C11orf65: variants seen among roughly 807,000 people sequenced by gnomAD.
C11orf65 encodes the protein chromosome 11 open reading frame 65.
A neutral mutation model predicts 35.3 loss-of-function variants in C11orf65; 38 were observed. That is an observed-to-expected ratio of 1.08 (90% CI 0.83 to 1.41). C11orf65 has a LOEUF of 1.41. Among genes scored for constraint, C11orf65 ranks in the 40% most tolerant of loss-of-function variants. The pLI is 0.00. For missense variants in C11orf65, 370 were observed against 367.1 expected, an observed-to-expected ratio of 1.01 and a Z score of -0.06; for synonymous variants, 105 against 114.4, an observed-to-expected ratio of 0.92 and a Z score of 0.53.
intron 3 of C11orf65, among the ~76,000 whole-genome samples, chr11:108,423,850 G>C (rs991825094): frequency 4.6e-5 from 7 of 152,088 alleles, no homozygotes; most frequent in Admixed American, 6.6e-5. Context: ...AAACAGAAAG[G>C]AATAGCATCA....
chr11:108,317,383 A>G (rs2136162962), intron 6 of C11orf65: 1 of 1,611,592 alleles, frequency 6.2e-7, no homozygotes, highest in Non-Finnish European at 8.5e-7. Flanking sequence ...GCCTTGCAGA[A>G]TTTGGGACTC....
intron 6 of C11orf65, chr11:108,315,792 T>A (rs774489456): frequency 6.4e-7 from 1 of 1,562,852 alleles, no homozygotes; most frequent in Non-Finnish European, 8.8e-7. Flanking sequence ...TTTTTTTCCT[T>A]CTTCAATTTT....
chr11:108,320,426 G>A (rs1432121919), intron 6 of C11orf65, among the ~76,000 whole-genome samples: 1 of 152,174 alleles, frequency 6.6e-6, no homozygotes, highest in Non-Finnish European at 1.5e-5. Flanking sequence ...AGGCACAAAT[G>A]TGATGAGGCA....
intron 3 of C11orf65, chr11:108,334,052 G>T (rs2086574006): frequency 1.9e-5 from 21 of 1,081,734 alleles, no homozygotes; most frequent in Non-Finnish European, 2.9e-5. Context: ...TTTTATGTAG[G>T]TCAAAATTGG....
At chr11:108,346,546 CTATA>C (rs1247212246) in intron 2 of C11orf65, 3 of 151,550 alleles carry the variant, frequency 2.0e-5, no homozygotes, top group African/African-American at 7.3e-5. Context: ...CACTTACATA[CTATA>C]CCCCAGGAAG....
At chr11:108,385,537 C>A (rs149428871) in intron 8 of C11orf65, among the ~76,000 whole-genome samples, 1 of 151,992 alleles carries the variant, frequency 6.6e-6, no homozygotes, top group Non-Finnish European at 1.5e-5. Context: ...AAAAAATTAG[C>A]GGGGTGTGGT....
downstream of C11orf65, among the ~76,000 whole-genome samples, chr11:108,379,738 C>T (rs1466692021): frequency 1.3e-5 from 2 of 151,944 alleles, no homozygotes; most frequent in Non-Finnish European, 2.9e-5. Context: ...GGACAAATAA[C>T]ATTAGACTGT....
intron 3 of C11orf65, among the ~76,000 whole-genome samples, chr11:108,414,782 A>G (rs534337552): frequency 1.5e-3 from 223 of 152,218 alleles, no homozygotes; most frequent in African/African-American, 5.4e-3. Context: ...TTATAGACCA[A>G]TATCTCTCAT....
chr11:108,388,218 G>GC (rs1322595457), intron 7 of C11orf65, among the ~76,000 whole-genome samples: 1 of 152,058 alleles, frequency 6.6e-6, no homozygotes, highest in African/African-American at 2.4e-5. Flanking sequence ...CCATAGCTAG[G>GC]CCCCATCACT....
chr11:108,342,308 CTG>C (rs1244541883), intron 2 of C11orf65, among the ~76,000 whole-genome samples: 2 of 152,096 alleles, frequency 1.3e-5, no homozygotes, highest in Non-Finnish European at 2.9e-5. Flanking sequence ...GATTGGATAA[CTG>C]TTGTATTTAT....
chr11:108,355,044 T>C (rs1240546731), intron 2 of C11orf65: 3 of 628,772 alleles, frequency 4.8e-6, no homozygotes, highest in African/African-American at 1.8e-5. Flanking sequence ...CATCCAAAAA[T>C]ACTGGTTTAG....
At chr11:108,320,933 A>G (rs557197598) in intron 6 of C11orf65, among the ~76,000 whole-genome samples, 8 of 152,246 alleles carry the variant, frequency 5.3e-5, no homozygotes, top group Non-Finnish European at 1.0e-4. Flanking sequence ...GAGAAAAGAA[A>G]ATGTTATTGA....
intron 6 of C11orf65, among the ~76,000 whole-genome samples, chr11:108,313,899 T>C (rs2084382397): frequency 6.6e-6 from 1 of 152,198 alleles, no homozygotes; most frequent in Non-Finnish European, 1.5e-5. Flanking sequence ...TATGTTTTCA[T>C]TTTTATTTAA....
In C11orf65 at chr11:108,354,877, A is replaced by G. The variant is rs769427492; in HGVS notation, c.227-19585T>C. 9 of 1,610,124 alleles carry G rather than the reference A, an allele frequency of 5.6e-6. No individual in the cohort carries two copies. The highest frequency in any genetic ancestry group is 1.3e-5 in the African/African-American group (1 of 74,866). On this transcript the variant is annotated intron_variant, in intron 2 of 3. Transcript: ENST00000524755. The stretch of plus-strand genomic sequence containing the variant: ...AAACTCTGTTAACCATTGTAGAGGT[A>G]AAGTATTTTATAAGGAAGACTTTAT...
At chr11:108,377,086 T>C (rs1004205516) in intron 2 of C11orf65, among the ~76,000 whole-genome samples, 2 of 151,192 alleles carry the variant, frequency 1.3e-5, no homozygotes, top group East Asian at 3.9e-4. Flanking sequence ...TCTGAAACTA[T>C]TCCAATCAAT....
chr11:108,434,739 A>G (rs143663865), intron 2 of C11orf65, among the ~76,000 whole-genome samples: 4 of 152,326 alleles, frequency 2.6e-5, no homozygotes, highest in African/African-American at 9.6e-5. Context: ...TCTCACTGGA[A>G]TTGACATCTG....
chr11:108,342,686 T>C (rs2087737416), intron 2 of C11orf65, among the ~76,000 whole-genome samples: 1 of 152,214 alleles, frequency 6.6e-6, no homozygotes, highest in Non-Finnish European at 1.5e-5. Context: ...TGTATGTTTA[T>C]AATATAATTT....
intron 3 of C11orf65, chr11:108,332,962 T>C: frequency 6.4e-7 from 1 of 1,561,450 alleles, no homozygotes; most frequent in Non-Finnish European, 8.7e-7. Flanking sequence ...TAGAGATATA[T>C]TAGTTATAGA....
intron 2 of C11orf65, among the ~76,000 whole-genome samples, chr11:108,373,093 AAAAG>A (rs1490574291): frequency 4.6e-5 from 7 of 151,850 alleles, no homozygotes; most frequent in South Asian, 4.1e-4. Flanking sequence ...AAAAAAAATT[AAAAG>A]AAAGAAAACT....
Sources: allele counts gnomAD v4.1 joint callset (sites outside exome capture counted in the v4.1 genomes callset), GRCh38; gene constraint gnomAD v4.1.1; transcripts MANE v1.5; gene names NCBI Gene and HGNC (gene_info 2026-07-23, HGNC 2026-07-21).